UHRF1: variants seen among roughly 807,000 people sequenced by gnomAD.
UHRF1 encodes ubiquitin like with PHD and ring finger domains 1.
Under a neutral mutation model 96.5 loss-of-function variants are expected in UHRF1, and 9 were observed. That is an observed-to-expected ratio of 0.09 (90% confidence interval 0.06 to 0.16). The LOEUF (loss-of-function observed/expected upper bound fraction) is 0.16. Ranked by LOEUF, UHRF1 falls within the 10% of genes least tolerant of loss-of-function variation. The pLI is 1.00. For missense variants in UHRF1, 626 were observed against 1,131.1 expected, an observed-to-expected ratio of 0.55 and a Z score of 6.40; for synonymous variants, 455 against 469.9, an observed-to-expected ratio of 0.97 and a Z score of 0.41.
At chr19:4,903,992 T>C (rs2032004998) in intron 1 of UHRF1, among the ~76,000 whole-genome samples, 1 of 151,826 alleles carries the variant, frequency 6.6e-6, no homozygotes, top group Non-Finnish European at 1.5e-5. Context: ...TCTCTTTTTT[T>C]TTGAGGTGGA....
chr19:4,941,909 A>G lies in UHRF1; in HGVS notation c.1051A>G (p.Ser351Gly), dbSNP rs960323000. 15 of 1,524,410 alleles carry G rather than the reference A, an allele frequency of 9.8e-6. No homozygotes were observed. In the African/African-American group the frequency reaches 1.1e-4, roughly 11 times the overall value. 94.4% of individuals were successfully genotyped at this position (1,524,410 alleles called of 1,614,324 possible). A position where few individuals can be genotyped will look rare whatever the true frequency, so the allele number is the denominator to read the frequency against. Residue 351 changes from serine to glycine, a missense_variant, in exon 7 of 17, where the codon AGT becomes GGT. By Grantham distance (56) the Ser-to-Gly change is moderately conservative. Around this residue, in one of 11 missense-constraint regions of UHRF1, gnomAD observed 69 missense variants for 159.8 expected, o/e 0.43. Transcript: ENST00000650932. ...HIYCLDPPLS[S>G]VPSEDEWYCP... ...CTACTGCCTGGACCCGCCCCTCAGC[A>G]GTGTTCCCAGCGAGGACGAGTGGTG...
chr19:4,925,354 G>C (rs1599256307), intron 2 of UHRF1, among the ~76,000 whole-genome samples: 1 of 152,022 alleles, frequency 6.6e-6, no homozygotes, highest in Admixed American at 6.6e-5. Context: ...TCTGTGGCTT[G>C]GCCTGTCCTG....
chr19:4,931,794 TC>T (rs2033060670), intron 4 of UHRF1, among the ~76,000 whole-genome samples: 1 of 151,760 alleles, frequency 6.6e-6, no homozygotes, highest in African/African-American at 2.4e-5. Context: ...ACAGTTTCAC[TC>T]TGTCCCCCAG....
chr19:4,948,824 C>A (rs1020689434), intron 11 of UHRF1, among the ~76,000 whole-genome samples: 1 of 145,832 alleles, frequency 6.9e-6, no homozygotes, highest in Non-Finnish European at 1.5e-5. Flanking sequence ...GAAAGAAACT[C>A]GTAGAAGAAA....
chr19:4,914,895 CAATG>C (rs923898164), intron 2 of UHRF1, among the ~76,000 whole-genome samples: 1 of 152,100 alleles, frequency 6.6e-6, no homozygotes, highest in Non-Finnish European at 1.5e-5. Flanking sequence ...GCCAGGCTCA[CAATG>C]AAAGCGAAAT....
intron 1 of UHRF1, among the ~76,000 whole-genome samples, chr19:4,909,963 A>G (rs915511816): frequency 1.3e-5 from 2 of 149,372 alleles, no homozygotes; most frequent in Non-Finnish European, 3.0e-5. Context: ...CCCGCGATTC[A>G]ATTGTCGCGC....
upstream of UHRF1, among the ~76,000 whole-genome samples, chr19:4,904,608 C>T (rs2032027336): frequency 6.6e-6 from 1 of 152,194 alleles, no homozygotes. Flanking sequence ...TGAGCTACCA[C>T]GCCTGGCTGA....
chr19:4,920,363 C>T (rs1476418782), intron 2 of UHRF1, among the ~76,000 whole-genome samples: 4 of 151,798 alleles, frequency 2.6e-5, no homozygotes, highest in East Asian at 1.9e-4. Context: ...ACCCGGGAGA[C>T]GGAGGTTGCA....
chr19:4,917,550 A>G (rs926254440), intron 2 of UHRF1, among the ~76,000 whole-genome samples: 1 of 143,814 alleles, frequency 7.0e-6, no homozygotes, highest in African/African-American at 2.6e-5. Context: ...GCTACTTGGG[A>G]GGCTGACGCA....
At chr19:4,940,184 C>T (rs941143429) in intron 5 of UHRF1, among the ~76,000 whole-genome samples, 2 of 151,838 alleles carry the variant, frequency 1.3e-5, no homozygotes, top group African/African-American at 4.8e-5. Context: ...CTATGTTTAC[C>T]TCTCAAACGT....
chr19:4,935,581 T>C (rs893909973), intron 5 of UHRF1, among the ~76,000 whole-genome samples: 1 of 151,930 alleles, frequency 6.6e-6, no homozygotes, highest in Non-Finnish European at 1.5e-5. Context: ...GGAGGCCGCC[T>C]GCAGTTCCCA....
chr19:4,907,963 C>T (rs913435133), upstream of UHRF1, among the ~76,000 whole-genome samples: 3 of 152,024 alleles, frequency 2.0e-5, no homozygotes, highest in African/African-American at 4.8e-5. Flanking sequence ...CTGCCTGCCT[C>T]GGCCTCCCAA....
chr19:4,918,974 A>T (rs959356560), intron 2 of UHRF1, among the ~76,000 whole-genome samples: 1 of 150,528 alleles, frequency 6.6e-6, no homozygotes, highest in Admixed American at 6.6e-5. Context: ...CTTCTGCCTC[A>T]GCTTCCCAAG....
chr19:4,933,008 C>T (rs1445428553), intron 5 of UHRF1, 52 bp downstream of exon 5: 18 of 1,519,722 alleles, frequency 1.2e-5, no homozygotes, highest in Middle Eastern at 1.9e-4. Flanking sequence ...CCTCCCCTCC[C>T]GGGGCCCCCG....
intron 16 of UHRF1, 69 bp downstream of exon 16, chr19:4,956,882 A>G (rs2033870703): frequency 8.2e-6 from 9 of 1,092,496 alleles, no homozygotes; most frequent in Non-Finnish European, 1.1e-5. Flanking sequence ...CCGTTCCCAC[A>G]TGCCTGCCAC....
At chr19:4,950,586 C>T (rs781439271) in intron 11 of UHRF1, 25 bp from the exon 12 acceptor site, 20 of 1,605,366 alleles carry the variant, frequency 1.2e-5, no homozygotes, top group South Asian at 1.1e-4. Context: ...ACCTATAATG[C>T]GTGGGGTCCT....
Position 4,941,623 on chromosome 19 carries a change from T to A in UHRF1, c.881T>A (p.Met294Lys), listed in dbSNP as rs527736027. Residue 294 changes from methionine (M) to lysine (K), a missense_variant, in exon 6 of 17, where the codon ATG becomes AAG. Physicochemically the swap from Met to Lys is moderately conservative, Grantham distance 95 (BLOSUM62 -1). Around this residue, in one of 11 missense-constraint regions of UHRF1, gnomAD observed 198 missense variants for 235.1 expected, o/e 0.84. Coordinates refer to ENST00000650932, the MANE Select transcript of UHRF1 (RefSeq NM_001048201.3). ...GGGAGCCCCATGGTTGACAACCCCA[T>A]GAGACGTGAGTTCTGAGCCAGCCTT... is the stretch of plus-strand genomic sequence containing the variant. ...GEGSPMVDNP[M>K]RRKSGPSCKH... The A allele has an allele frequency of 1.2e-6, 2 of 1,612,694 alleles. No homozygotes were observed. Among genetic ancestry groups the A allele is most frequent in the Admixed American group, 3.3e-5 (2 of 59,900 alleles).
intron 5 of UHRF1, among the ~76,000 whole-genome samples, chr19:4,933,701 C>A (rs375972241): frequency 1.3e-5 from 2 of 152,156 alleles, no homozygotes; most frequent in East Asian, 3.8e-4. Context: ...TAAACATACA[C>A]GCCAAACCAC....
intron 16 of UHRF1, among the ~76,000 whole-genome samples, chr19:4,959,138 T>C (rs2033929112): frequency 6.6e-6 from 1 of 151,134 alleles, no homozygotes. Context: ...TACACCACCA[T>C]GGCCAACATG....
Sources: allele counts gnomAD v4.1 joint callset (sites outside exome capture counted in the v4.1 genomes callset), GRCh38; gene constraint gnomAD v4.1.1; regional missense constraint gnomAD v4.1.1; transcripts MANE v1.5; gene names NCBI Gene and HGNC (gene_info 2026-07-23, HGNC 2026-07-21).